MME: variants seen among roughly 807,000 people sequenced by gnomAD.
The protein encoded by MME is neprilysin.
In MME, 98 loss-of-function variants were observed where a neutral mutation model predicts 113.2. The ratio of observed to expected loss-of-function variants is 0.87; its 90% CI spans 0.74 to 1.02. The LOEUF is 1.02. MME is among the 50% of genes least tolerant of loss of function. MME has a pLI of 0.00. For missense variants in MME, 836 were observed against 896.0 expected (o/e 0.93, Z 0.86); for synonymous variants, 292 against 300.6 (o/e 0.97, Z 0.30).
intron 1 of MME, chr3:155,083,498 A>G (rs1166407115): frequency 1.3e-5 from 2 of 152,966 alleles, no homozygotes; most frequent in Non-Finnish European, 2.9e-5. Flanking sequence ...TAGGTTGGAT[A>G]TTCAGGTATC....
chr3:155,030,400 T>C (rs1240262318), intron 1 of MME, among the ~76,000 whole-genome samples: 1 of 152,098 alleles, frequency 6.6e-6, no homozygotes, highest in African/African-American at 2.4e-5. Flanking sequence ...TCAACTTTGC[T>C]TGTTTTGTTT....
intron 8 of MME, among the ~76,000 whole-genome samples, chr3:155,127,566 T>C (rs1053183634): frequency 1.3e-5 from 2 of 152,338 alleles, no homozygotes; most frequent in Non-Finnish European, 2.9e-5. Flanking sequence ...TAAAACTTGG[T>C]TGGCAGAGAG....
chr3:155,167,106 C>G lies in MME; in HGVS notation c.1780+85C>G. 4 of 1,480,958 alleles carry G rather than the reference C, an allele frequency of 2.7e-6. 1 individual carries two copies. The South Asian group carries it at 4.6e-5, about 17-fold the overall frequency. 91.7% of individuals were successfully genotyped at this position (1,480,958 alleles called of 1,614,324 possible). ...GTTATTATAATTTATTACTACAAAG[C>G]TACATTTATTCAAACATGTATCATT... On this transcript the variant is annotated intron_variant, in intron 18 of 22. Coordinates refer to ENST00000360490, the MANE Select transcript of MME (RefSeq NM_007289.4).
At chr3:155,165,501 A>T (rs1723030276) in intron 17 of MME, among the ~76,000 whole-genome samples, 2 of 152,168 alleles carry the variant, frequency 1.3e-5, no homozygotes, top group Admixed American at 6.6e-5. Flanking sequence ...GCCATAGGCC[A>T]GAAAGATGTG....
chr3:155,093,878 A>G (rs1026533330), intron 3 of MME, among the ~76,000 whole-genome samples: 1 of 151,844 alleles, frequency 6.6e-6, no homozygotes, highest in Admixed American at 6.6e-5. Context: ...AAAGATTGAA[A>G]AAAAGAAAAA....
At chr3:155,047,069 A>G (rs1452096133) in intron 1 of MME, among the ~76,000 whole-genome samples, 2 of 152,316 alleles carry the variant, frequency 1.3e-5, no homozygotes, top group South Asian at 2.1e-4. Context: ...ATGTACAGTA[A>G]TGTCCTAGGC....
chr3:155,141,130 A>G (rs1437839040), intron 10 of MME, among the ~76,000 whole-genome samples: 1 of 152,232 alleles, frequency 6.6e-6, no homozygotes, highest in African/African-American at 2.4e-5. Flanking sequence ...AAACTACCAC[A>G]TTCAGCGATG....
intron 5 of MME, 45 bp downstream of exon 5, chr3:155,116,604 A>ATATATATATATATG: frequency 6.8e-7 from 1 of 1,476,792 alleles, no homozygotes; most frequent in South Asian, 1.2e-5. Context: ...ATATATATAT[A>ATATATATATATATG]TATTGGTGCC....
chr3:155,152,608 A>C (rs1299671392), intron 16 of MME, among the ~76,000 whole-genome samples: 1 of 152,184 alleles, frequency 6.6e-6, no homozygotes, highest in Non-Finnish European at 1.5e-5. Context: ...TGGGAGGTCA[A>C]GGTGGGCGGA....
At chr3:155,113,790 C>G (rs1396582196) in intron 3 of MME, among the ~76,000 whole-genome samples, 6 of 152,142 alleles carry the variant, frequency 3.9e-5, no homozygotes, top group African/African-American at 1.4e-4. Flanking sequence ...AATAGAAATA[C>G]AGTTTTACCC....
chr3:155,036,077 T>A (rs116562293), intron 1 of MME, among the ~76,000 whole-genome samples: 3,873 of 152,180 alleles, frequency 0.025, 77 homozygotes, highest in South Asian at 0.088. Context: ...TGGAATTTAC[T>A]AATGCATTGG....
chr3:155,064,015 G>A (rs970514573), intron 1 of MME, among the ~76,000 whole-genome samples: 1 of 152,044 alleles, frequency 6.6e-6, no homozygotes, highest in Non-Finnish European at 1.5e-5. Flanking sequence ...AGAAGGCCCA[G>A]CATGGTGGCT....
At chr3:155,024,269 C>G (rs1411914513) in exon 1 of MME, 1 of 152,074 alleles carries the variant, frequency 6.6e-6, no homozygotes, top group Non-Finnish European at 1.5e-5. Flanking sequence ...GAAAGCTGGC[C>G]CAAGGGTGTA....
At chr3:155,045,953 T>C (rs1304235374) in intron 1 of MME, among the ~76,000 whole-genome samples, 2 of 152,198 alleles carry the variant, frequency 1.3e-5, no homozygotes, top group East Asian at 1.9e-4. Context: ...TTCTGTATTC[T>C]CTGTGATATT....
chr3:155,117,701 G>A (rs1718744399), intron 7 of MME, among the ~76,000 whole-genome samples: 2 of 146,556 alleles, frequency 1.4e-5, no homozygotes, highest in Admixed American at 7.0e-5. Flanking sequence ...AAATCTTTAT[G>A]GTCGTTTTTG....
In MME at chr3:155,116,883, C is replaced by G. The variant is rs1373337273; in HGVS notation, c.551C>G (p.Ala184Gly). 4.3e-6 allele frequency: 7 copies of G among 1,609,950 alleles called. No individual in the cohort carries two copies. The highest frequency in any genetic ancestry group is 1.1e-5 in the South Asian group (1 of 90,904). ...ATTGCTTTAGGTGCTTCTTGGACAG[C>G]TGAAAAAGCTATTGCACAACTGAAT... is the stretch of plus-strand genomic sequence containing the variant. ...WEQKYGASWT[A>G]EKAIAQLNSK... Residue 184 changes from alanine to glycine, a missense_variant, in exon 7 of 23, where the codon GCT becomes GGT. Transcript: ENST00000360490.
At chr3:155,040,915 T>G (rs546664500) in intron 1 of MME, among the ~76,000 whole-genome samples, 1 of 152,284 alleles carries the variant, frequency 6.6e-6, no homozygotes, top group South Asian at 2.1e-4. Flanking sequence ...TGTTTTTAAT[T>G]TGTGGCTCAA....
intron 1 of MME, among the ~76,000 whole-genome samples, chr3:155,047,744 AT>A (rs573887422): frequency 2.5e-3 from 384 of 151,102 alleles, no homozygotes; most frequent in African/African-American, 8.6e-3. Flanking sequence ...ATGTAGGATA[AT>A]TTTTTTTTAT....
intron 1 of MME, chr3:155,081,454 T>A (rs1451154206): frequency 6.6e-6 from 1 of 152,242 alleles, no homozygotes; most frequent in Non-Finnish European, 1.5e-5. Context: ...CAGGTTCTTG[T>A]TATCTTAGAC....
Sources: allele counts gnomAD v4.1 joint callset (sites outside exome capture counted in the v4.1 genomes callset), GRCh38; gene constraint gnomAD v4.1.1; transcripts MANE v1.5; gene names NCBI Gene and HGNC (gene_info 2026-07-23, HGNC 2026-07-21).